Variants in FLACC1 observed in about 807,000 individuals in gnomAD.
FLACC1 encodes flagellum associated containing coiled-coil domains 1, also known as flagellum-associated coiled-coil domain-containing protein 1.
A neutral mutation model predicts 62.8 loss-of-function variants in FLACC1; 66 were observed. That is an observed-to-expected ratio of 1.05 (90% CI 0.86 to 1.29). The LOEUF (loss-of-function observed/expected upper bound fraction) is 1.29, where lower values mean the gene tolerates loss of function less well. FLACC1 is among the 50% of genes most tolerant of loss of function. The pLI, the probability that FLACC1 is intolerant of heterozygous loss-of-function variation, is 0.00. For missense variants in FLACC1, 452 were observed against 489.1 expected (o/e 0.92, Z 0.71); for synonymous variants, 156 against 161.0 (o/e 0.97, Z 0.24).
At chr2:201,309,284 G>T in intron 9 of FLACC1, 34 bp from the exon 10 acceptor site, 1 of 1,529,784 alleles carries the variant, frequency 6.5e-7, no homozygotes, top group Non-Finnish European at 9.1e-7. Context: ...GAAGAAAAGA[G>T]TCCTAAAATG....
chr2:201,360,867 CAGG>C, upstream of FLACC1, among the ~76,000 whole-genome samples: 1 of 152,268 alleles, frequency 6.6e-6, no homozygotes, highest in South Asian at 2.1e-4. Context: ...CAACTGAGGT[CAGG>C]AGTTTAAGAA....
upstream of FLACC1, among the ~76,000 whole-genome samples, chr2:201,358,931 G>C (rs1201735498): frequency 2.0e-5 from 3 of 152,212 alleles, no homozygotes; most frequent in Non-Finnish European, 2.9e-5. Context: ...AGTCCAGTGA[G>C]TCAGGCAGCA....
intron 9 of FLACC1, among the ~76,000 whole-genome samples, chr2:201,324,936 T>C (rs6750725): frequency 0.093 from 14,099 of 152,116 alleles, 1,011 homozygotes; most frequent in South Asian, 0.26. Context: ...GAGACCAGGC[T>C]GGCCAACATG....
At chr2:201,309,724 T>C (rs969523268) in intron 9 of FLACC1, among the ~76,000 whole-genome samples, 70 of 151,612 alleles carry the variant, frequency 4.6e-4, no homozygotes, top group African/African-American at 1.4e-3. Context: ...CTGGCCAACA[T>C]GGTGAAACCC....
At chr2:201,301,835 A>T (rs1193742575) in intron 11 of FLACC1, among the ~76,000 whole-genome samples, 2 of 152,180 alleles carry the variant, frequency 1.3e-5, no homozygotes, top group Non-Finnish European at 2.9e-5. Flanking sequence ...CAGCTAAACT[A>T]AGCTTCATAA....
upstream of FLACC1, among the ~76,000 whole-genome samples, chr2:201,358,664 G>A (rs1320802721): frequency 2.0e-5 from 3 of 151,906 alleles, no homozygotes; most frequent in Non-Finnish European, 4.4e-5. Context: ...TGATCCGCCC[G>A]CCTCGGCCTC....
rs773578571 is a variant in FLACC1 at position 201,348,225 on chromosome 2, T to G, written c.234+29A>C. ...ATAGTAGGCACTCAATAAATTTTAGTCCCACCGCCCTCTCCTGCCTTTACT... is the reference window on the plus strand; with the variant it reads ...ATAGTAGGCACTCAATAAATTTTAGGCCCACCGCCCTCTCCTGCCTTTACT... On this transcript the variant is annotated intron_variant, in intron 4 of 14. Coordinates refer to ENST00000392257, the MANE Select transcript of FLACC1 (RefSeq NM_001127391.3). The G allele has an allele frequency of 8.7e-6, 14 of 1,608,082 alleles. No individual in the cohort carries two copies. The African/African-American group carries it at 1.6e-4, about 18-fold the overall frequency.
intron 11 of FLACC1, among the ~76,000 whole-genome samples, chr2:201,305,441 C>T (rs973638870): frequency 2.6e-5 from 4 of 152,168 alleles, no homozygotes; most frequent in Non-Finnish European, 5.9e-5. Context: ...ACAACAGGTG[C>T]TGGAGAGGAT....
At chr2:201,347,422 T>TC (rs1950937466) in intron 4 of FLACC1, among the ~76,000 whole-genome samples, 1 of 152,138 alleles carries the variant, frequency 6.6e-6, no homozygotes, top group Admixed American at 6.5e-5. Context: ...TCAGTCTTGC[T>TC]CCCCCCACAG....
chr2:201,351,160 G>A (rs761014436), intron 2 of FLACC1, 132 bp downstream of exon 2: 8 of 780,898 alleles, frequency 1.0e-5, no homozygotes, highest in Non-Finnish European at 1.7e-5. Flanking sequence ...AGGGAAGCTG[G>A]GGAAAGCGAG....
chr2:201,293,968 C>T (rs927947847), intron 12 of FLACC1, among the ~76,000 whole-genome samples: 36 of 152,194 alleles, frequency 2.4e-4, no homozygotes, highest in Non-Finnish European at 3.5e-4. Context: ...CAAGACTAAA[C>T]CAGGAAGAAG....
At chr2:201,350,810 CA>C in intron 2 of FLACC1, 28 bp from the exon 3 acceptor site, 1 of 1,588,594 alleles carries the variant, frequency 6.3e-7, no homozygotes, top group South Asian at 1.1e-5. Context: ...ATAACTAAAA[CA>C]AGAACATTGG....
chr2:201,349,275 C>T (rs932057256), intron 3 of FLACC1, among the ~76,000 whole-genome samples: 10 of 152,208 alleles, frequency 6.6e-5, no homozygotes, highest in African/African-American at 1.9e-4. Context: ...GTTCCCACCC[C>T]AGGGCCTTTG....
chr2:201,337,605 C>A (rs1950720587), intron 7 of FLACC1, among the ~76,000 whole-genome samples: 1 of 152,120 alleles, frequency 6.6e-6, no homozygotes, highest in South Asian at 2.1e-4. Context: ...CTCACTGCAG[C>A]CTTGACCATC....
At position 201,344,268 on chromosome 2, in the gene FLACC1, A is replaced by G. The variant is rs1015970140; in HGVS notation, c.369-5T>C. The G allele has an allele frequency of 1.2e-5, 20 of 1,601,878 alleles. No individual in the cohort carries two copies. Among genetic ancestry groups the G allele is most frequent in the African/African-American group, 1.2e-4 (9 of 74,600 alleles). On this transcript the variant is annotated splice_polypyrimidine_tract_variant and splice_region_variant and intron_variant, in intron 5 of 14. Coordinates refer to ENST00000392257, the MANE Select transcript of FLACC1 (RefSeq NM_001127391.3). ...AGGTCAGAAATGATGTTGGTCCTGTAGGAGAAGTAATTCTTCTATCATCCA... is the reference window on the plus strand; with the variant it reads ...AGGTCAGAAATGATGTTGGTCCTGTGGGAGAAGTAATTCTTCTATCATCCA...
intron 12 of FLACC1, among the ~76,000 whole-genome samples, chr2:201,297,796 A>G (rs191744396): frequency 6.6e-6 from 1 of 152,306 alleles, no homozygotes; most frequent in Admixed American, 6.5e-5. Flanking sequence ...TCTCTCCTCA[A>G]AAACCTCCAG....
At chr2:201,291,393 G>A (rs1224341625) in intron 12 of FLACC1, among the ~76,000 whole-genome samples, 1 of 152,174 alleles carries the variant, frequency 6.6e-6, no homozygotes, top group East Asian at 1.9e-4. Context: ...TGCAGCCTCC[G>A]CTGCTGATAC....
chr2:201,300,544 A>C (rs1360104368), intron 11 of FLACC1, among the ~76,000 whole-genome samples: 1 of 152,150 alleles, frequency 6.6e-6, no homozygotes, highest in Non-Finnish European at 1.5e-5. Flanking sequence ...GCAGACTTAA[A>C]CATCCCTGTC....
At chr2:201,321,241 G>A (rs988149676) in intron 9 of FLACC1, among the ~76,000 whole-genome samples, 1 of 152,144 alleles carries the variant, frequency 6.6e-6, no homozygotes, top group Non-Finnish European at 1.5e-5. Flanking sequence ...CACCAGCCTG[G>A]GGTGTGGTAC....
Sources: allele counts gnomAD v4.1 joint callset (sites outside exome capture counted in the v4.1 genomes callset), GRCh38; gene constraint gnomAD v4.1.1; transcripts MANE v1.5; gene names NCBI Gene and HGNC (gene_info 2026-07-23, HGNC 2026-07-21).